The following CNTN5 variants were observed in gnomAD, a reference collection of about 807,000 sequenced individuals.
The protein encoded by CNTN5 is contactin 5.
Under a neutral mutation model 129.1 loss-of-function variants are expected in CNTN5, and 77 were observed. The ratio of observed to expected loss-of-function variants is 0.60; its 90% CI spans 0.50 to 0.72. The LOEUF (loss-of-function observed/expected upper bound fraction) is 0.72. Ranked by LOEUF, CNTN5 falls within the 30% of genes least tolerant of loss-of-function variation. The pLI, the probability that CNTN5 is intolerant of heterozygous loss-of-function variation, is 0.00. For missense variants in CNTN5, 1,478 were observed against 1,328.8 expected (o/e 1.11, Z -1.75); for synonymous variants, 509 against 465.6 (o/e 1.09, Z -1.20).
chr11:99,794,969 T>G (rs1196521410), intron 3 of CNTN5, among the ~76,000 whole-genome samples: 1 of 152,192 alleles, frequency 6.6e-6, no homozygotes, highest in Non-Finnish European at 1.5e-5. Flanking sequence ...TGTTAGCCTC[T>G]ATTGCAAGGT....
chr11:99,587,330 A>G (rs576834810), intron 3 of CNTN5, among the ~76,000 whole-genome samples: 181 of 152,328 alleles, frequency 1.2e-3, no homozygotes, highest in African/African-American at 4.2e-3. Flanking sequence ...GGAAGAAAGT[A>G]TACATGTGGA....
intron 3 of CNTN5, among the ~76,000 whole-genome samples, chr11:99,632,977 T>A (rs1591392032): frequency 6.6e-6 from 1 of 152,136 alleles, no homozygotes; most frequent in Middle Eastern, 3.4e-3. Flanking sequence ...TGAACGGAAA[T>A]GTAACTGTTT....
chr11:99,350,133 TA>T (rs1565511777), intron 2 of CNTN5, among the ~76,000 whole-genome samples: 2 of 152,194 alleles, frequency 1.3e-5, no homozygotes, highest in Non-Finnish European at 2.9e-5. Context: ...TTTTTAACAC[TA>T]AAACACCTTT....
chr11:99,553,671 CTTGAT>C (rs1316439726), intron 2 of CNTN5, among the ~76,000 whole-genome samples: 1 of 151,634 alleles, frequency 6.6e-6, no homozygotes, highest in Non-Finnish European at 1.5e-5. Context: ...TCTTAATTAG[CTTGAT>C]TTAATTATAC....
intron 7 of CNTN5, among the ~76,000 whole-genome samples, chr11:99,940,363 A>G (rs578053139): frequency 6.6e-6 from 1 of 152,318 alleles, no homozygotes; most frequent in Non-Finnish European, 1.5e-5. Context: ...ATAAAGAGAC[A>G]ATAAACTAAT....
At chr11:99,786,718 G>C (rs183565093) in intron 3 of CNTN5, among the ~76,000 whole-genome samples, 619 of 152,234 alleles carry the variant, frequency 4.1e-3, no homozygotes, top group South Asian at 8.9e-3. Context: ...ACAACCATCT[G>C]ATCTTTGACA....
At chr11:99,970,036 A>T (rs1951206792) in intron 8 of CNTN5, among the ~76,000 whole-genome samples, 1 of 152,196 alleles carries the variant, frequency 6.6e-6, no homozygotes, top group South Asian at 2.1e-4. Flanking sequence ...GTCATCAAAC[A>T]TAAACATTTC....
At chr11:99,730,381 G>T (rs549654451) in intron 3 of CNTN5, among the ~76,000 whole-genome samples, 2 of 152,290 alleles carry the variant, frequency 1.3e-5, no homozygotes, top group South Asian at 4.1e-4. Context: ...AGAGAAGACG[G>T]AGAGAATACT....
intron 2 of CNTN5, among the ~76,000 whole-genome samples, chr11:99,364,131 T>C (rs1360734969): frequency 6.6e-6 from 1 of 152,134 alleles, no homozygotes; most frequent in Non-Finnish European, 1.5e-5. Context: ...TTATGACTGA[T>C]ACAATAAAGA....
intron 1 of CNTN5, among the ~76,000 whole-genome samples, chr11:99,075,592 A>G (rs1232882248): frequency 6.6e-6 from 1 of 152,184 alleles, no homozygotes; most frequent in Non-Finnish European, 1.5e-5. Flanking sequence ...TTCTTTTTCT[A>G]TTATCAAAGG....
chr11:99,071,760 A>G (rs1390116554), intron 1 of CNTN5, among the ~76,000 whole-genome samples: 2 of 152,246 alleles, frequency 1.3e-5, no homozygotes, highest in Middle Eastern at 3.4e-3. Context: ...AGTGAAGTCA[A>G]TCCTAAAGAT....
intron 1 of CNTN5, among the ~76,000 whole-genome samples, chr11:99,112,666 C>T (rs1857853806): frequency 6.6e-6 from 1 of 151,844 alleles, no homozygotes; most frequent in South Asian, 2.1e-4. Context: ...ATTTAAGTGC[C>T]CTTCAGGGAT....
chr11:99,687,054 T>C (rs1953823418), intron 3 of CNTN5, among the ~76,000 whole-genome samples: 1 of 152,204 alleles, frequency 6.6e-6, no homozygotes, highest in Non-Finnish European at 1.5e-5. Flanking sequence ...ACTGTCAGTC[T>C]ACGTGAAGAG....
intron 17 of CNTN5, among the ~76,000 whole-genome samples, chr11:100,270,356 G>T (rs1950387328): frequency 1.3e-5 from 2 of 152,166 alleles, no homozygotes; most frequent in African/African-American, 2.4e-5. Context: ...ATCCAAGAAT[G>T]ATATAAATCC....
intron 16 of CNTN5, among the ~76,000 whole-genome samples, chr11:100,229,221 T>C (rs1949442750): frequency 6.6e-6 from 1 of 152,190 alleles, no homozygotes; most frequent in Non-Finnish European, 1.5e-5. Flanking sequence ...AATATTTATT[T>C]TACCCCATGA....
rs1468135576 is a variant in CNTN5 at position 99,784,795 on chromosome 11, G to T, written c.56-34749G>T. ...CTGGTGTGAGATGGTATCTCATTGT[G>T]TTTTTTTTTTTTTTTTTTTTTTGAG... On this transcript the variant is annotated intron_variant, in intron 3 of 24. Coordinates refer to ENST00000524871, the MANE Select transcript of CNTN5 (RefSeq NM_014361.4). 5.5e-3 allele frequency among the ~76,000 whole-genome samples: 514 copies of T among 93,922 alleles called. 29 individuals carry two copies. The highest frequency in any genetic ancestry group is 0.055 in the Admixed American group (435 of 7,966). 61.6% of individuals were successfully genotyped at this position (93,922 alleles called of 152,430 possible). A position where few individuals can be genotyped will look rare whatever the true frequency, so the allele number is the denominator to read the frequency against.
At chr11:99,969,027 A>G (rs1336932114) in intron 8 of CNTN5, among the ~76,000 whole-genome samples, 2 of 152,136 alleles carry the variant, frequency 1.3e-5, no homozygotes, top group African/African-American at 2.4e-5. Flanking sequence ...TTTGAATAAG[A>G]TGAATACTTC....
At chr11:99,296,280 C>T (rs77957606) in intron 1 of CNTN5, among the ~76,000 whole-genome samples, 2,401 of 152,158 alleles carry the variant, frequency 0.016, 39 homozygotes, top group African/African-American at 0.032. Flanking sequence ...GCACCCTTCT[C>T]AGCTGTGAGA....
chr11:99,513,994 G>T (rs1946945084), intron 2 of CNTN5, among the ~76,000 whole-genome samples: 1 of 151,946 alleles, frequency 6.6e-6, no homozygotes, highest in Admixed American at 6.6e-5. Flanking sequence ...TTCTTGAAAG[G>T]ATTTACCGTT....
Sources: allele counts gnomAD v4.1 joint callset (sites outside exome capture counted in the v4.1 genomes callset), GRCh38; gene constraint gnomAD v4.1.1; transcripts MANE v1.5; gene names NCBI Gene and HGNC (gene_info 2026-07-23, HGNC 2026-07-21).